MYH10: variants seen among roughly 807,000 people sequenced by gnomAD.
MYH10 encodes myosin-10.
Under a neutral mutation model 257.8 loss-of-function variants are expected in MYH10, and 55 were observed. The ratio of observed to expected loss-of-function variants is 0.21; its 90% confidence interval spans 0.17 to 0.27. MYH10 has a LOEUF of 0.27. MYH10 is among the 10% of genes least tolerant of loss of function. MYH10 has a pLI of 1.00. For missense variants in MYH10, 1,631 were observed against 2,500.6 expected (o/e 0.65, Z 7.42); for synonymous variants, 854 against 921.7 (o/e 0.93, Z 1.33).
At chr17:8,566,272 G>C (rs2083164821) in intron 7 of MYH10, among the ~76,000 whole-genome samples, 1 of 152,162 alleles carries the variant, frequency 6.6e-6, no homozygotes. Context: ...AGCCATGATA[G>C]CCAAGACCAC....
At chr17:8,547,195 C>A (rs747859445) in intron 11 of MYH10, among the ~76,000 whole-genome samples, 1 of 152,174 alleles carries the variant, frequency 6.6e-6, no homozygotes, top group Non-Finnish European at 1.5e-5. Context: ...GACTACATGG[C>A]CACTATGCCC....
At chr17:8,511,058 AT>A (rs2081271822) in intron 24 of MYH10, 1 of 113,674 alleles carries the variant, frequency 8.8e-6, no homozygotes, top group African/African-American at 4.3e-5. Context: ...ATATATATAT[AT>A]ACACACATAC....
rs5819199 is a variant in MYH10 at position 8,578,243 on chromosome 17, CT to C, written c.531-906del. Among the ~76,000 whole-genome samples, 111 of 129,200 alleles carry C rather than the reference CT, an allele frequency of 8.6e-4. 1 individual carries two copies. The highest frequency in any genetic ancestry group is 2.4e-3 in the African/African-American group (82 of 34,276). 84.8% of individuals were successfully genotyped at this position (129,200 alleles called of 152,430 possible). On this transcript the variant is annotated intron_variant, in intron 4 of 42. Transcript: ENST00000360416. ...TTGTGTTTTGTTTCTTTCTTTCTTTCTTTTTTTTTTTTTTTTTGAGACAAAG... is the reference window on the plus strand; with the variant it reads ...TTGTGTTTTGTTTCTTTCTTTCTTTCTTTTTTTTTTTTTTTTGAGACAAAG...
At chr17:8,624,196 C>G (rs1223311472) in intron 1 of MYH10, among the ~76,000 whole-genome samples, 1 of 152,166 alleles carries the variant, frequency 6.6e-6, no homozygotes, top group Non-Finnish European at 1.5e-5. Context: ...ATTTAGCACC[C>G]ATTTACCATT....
intron 3 of MYH10, among the ~76,000 whole-genome samples, chr17:8,594,843 T>C (rs1038245528): frequency 1.3e-5 from 2 of 152,242 alleles, no homozygotes; most frequent in Non-Finnish European, 2.9e-5. Flanking sequence ...GTTGCTATAG[T>C]GTATTGTTTA....
In MYH10 at chr17:8,480,033, C is replaced by T. The variant is rs567522143; in HGVS notation, c.5597+77G>A. 1.2e-4 allele frequency: 177 copies of T among 1,481,476 alleles called. 2 individuals are homozygous for T. The African/African-American group carries it at 1.5e-3, about 13-fold the overall frequency. The allele number at this position is 1,481,476 out of a possible 1,614,324, so 91.8% of individuals were successfully genotyped here. On this transcript the variant is annotated intron_variant, in intron 40 of 42. Transcript: ENST00000360416. ...CTGCCCACGTGGTGGGGAGCCCCCC[C>T]GAAAGGGGCATGCCTGTTTTGTCTC...
chr17:8,566,875 C>T (rs1242839388), intron 7 of MYH10, among the ~76,000 whole-genome samples: 1 of 152,066 alleles, frequency 6.6e-6, no homozygotes, highest in Non-Finnish European at 1.5e-5. Context: ...CATTCTTTAC[C>T]CAAGGACACA....
In MYH10 at chr17:8,572,261, TGAGAGA is replaced by T. The variant is rs66710491; in HGVS notation, c.664-2455_664-2450del. Among the ~76,000 whole-genome samples, 679 of 146,990 alleles carry T rather than the reference TGAGAGA, an allele frequency of 4.6e-3. 3 individuals carry two copies. Among genetic ancestry groups the T allele is most frequent in the Middle Eastern group, 7.0e-3 (2 of 286 alleles). ...GTGTGTGTGTGTGTGTGTGTGTGAG[TGAGAGA>T]GAGAGAGAGAGAGAGAGAGAGATCC... is the stretch of plus-strand genomic sequence containing the variant. On this transcript the variant is annotated intron_variant, in intron 6 of 42. Coordinates refer to ENST00000360416, the MANE Select transcript of MYH10 (RefSeq NM_001256012.3).
chr17:8,513,375 TG>T (rs1474323787), intron 23 of MYH10, among the ~76,000 whole-genome samples, 162 bp downstream of exon 23: 14 of 152,218 alleles, frequency 9.2e-5, no homozygotes, highest in Non-Finnish European at 1.8e-4. Flanking sequence ...TTAACTCTAT[TG>T]GCAAAATATA....
At chr17:8,522,717 A>G (rs1297975957) in intron 17 of MYH10, among the ~76,000 whole-genome samples, 1 of 152,136 alleles carries the variant, frequency 6.6e-6, no homozygotes, top group Non-Finnish European at 1.5e-5. Flanking sequence ...CACCGTTGCT[A>G]CACCATATCC....
At chr17:8,560,089 C>A (rs1210525390) in intron 7 of MYH10, among the ~76,000 whole-genome samples, 1 of 152,110 alleles carries the variant, frequency 6.6e-6, no homozygotes, top group Non-Finnish European at 1.5e-5. Context: ...TTCTTTATAT[C>A]CAGTAATATA....
intron 34 of MYH10, among the ~76,000 whole-genome samples, chr17:8,491,276 C>T (rs1915736519): frequency 6.6e-6 from 1 of 152,328 alleles, no homozygotes; most frequent in Non-Finnish European, 1.5e-5. Context: ...TCAGTAGGCA[C>T]AAAAGACCTG....
At chr17:8,489,835 T>G (rs1318598198) in intron 35 of MYH10, among the ~76,000 whole-genome samples, 8 of 151,948 alleles carry the variant, frequency 5.3e-5, no homozygotes, top group Non-Finnish European at 7.4e-5. Context: ...GACTAGAAAT[T>G]TAACATATAT....
At chr17:8,594,512 AT>A (rs1455407829) in intron 3 of MYH10, among the ~76,000 whole-genome samples, 1 of 152,206 alleles carries the variant, frequency 6.6e-6, no homozygotes, top group Non-Finnish European at 1.5e-5. Flanking sequence ...ACTTTAGAAA[AT>A]AGTTTGGTAA....
chr17:8,490,134 T>C lies in MYH10; in HGVS notation c.4884+206A>G. ...TAAGTGTCTGGCTTGTAGGCAGGAATGATACTGAGAAATAGTAAGACCTAA... is the reference window on the plus strand; with the variant it reads ...TAAGTGTCTGGCTTGTAGGCAGGAACGATACTGAGAAATAGTAAGACCTAA... On this transcript the variant is annotated intron_variant, in intron 35 of 42. Coordinates refer to ENST00000360416, the MANE Select transcript of MYH10 (RefSeq NM_001256012.3). The surrounding 1 kb of genome is among the most constrained non-coding windows in gnomAD (Gnocchi z 4.1). 1.9e-6 allele frequency: 1 copy of C among 515,054 alleles called. No homozygotes were observed. Among genetic ancestry groups the C allele is most frequent in the South Asian group, 2.3e-5 (1 of 44,172 alleles). 31.9% of individuals were successfully genotyped at this position (515,054 alleles called of 1,614,324 possible).
At chr17:8,560,225 T>G (rs1304189279) in intron 7 of MYH10, among the ~76,000 whole-genome samples, 1 of 152,182 alleles carries the variant, frequency 6.6e-6, no homozygotes, top group African/African-American at 2.4e-5. Flanking sequence ...TCAAATAAAT[T>G]AGAAGTTTGA....
intron 17 of MYH10, among the ~76,000 whole-genome samples, chr17:8,529,033 C>T (rs1246287250): frequency 6.6e-6 from 1 of 152,140 alleles, no homozygotes; most frequent in Non-Finnish European, 1.5e-5. Flanking sequence ...ATGAGCCACC[C>T]CGCTGCTCAT....
chr17:8,479,890 G>A (rs868344174), intron 40 of MYH10, among the ~76,000 whole-genome samples: 1 of 152,192 alleles, frequency 6.6e-6, no homozygotes, highest in Non-Finnish European at 1.5e-5. Flanking sequence ...CCGTCCTAAA[G>A]CCCAGCCTTC....
intron 16 of MYH10, among the ~76,000 whole-genome samples, chr17:8,533,365 C>T (rs2151928908): frequency 6.6e-6 from 1 of 152,260 alleles, no homozygotes; most frequent in East Asian, 1.9e-4. Context: ...TTCTCTGCCC[C>T]AGCCCTCTCT....
Sources: allele counts gnomAD v4.1 joint callset (sites outside exome capture counted in the v4.1 genomes callset), GRCh38; gene constraint gnomAD v4.1.1; non-coding constraint Gnocchi (gnomAD v3.1); transcripts MANE v1.5; gene names NCBI Gene and HGNC (gene_info 2026-07-23, HGNC 2026-07-21).